The following DCLK2 variants were observed in gnomAD, a reference collection of about 807,000 sequenced individuals.
DCLK2 encodes doublecortin like kinase 2.
DCLK2 carries 31 observed loss-of-function variants against 78.4 expected under a neutral mutation model. The observed-to-expected ratio is 0.40, with a 90% CI of 0.30 to 0.53. The LOEUF (loss-of-function observed/expected upper bound fraction) is 0.53, where lower values mean the gene tolerates loss of function less well. Among genes scored for constraint, DCLK2 ranks in the 20% least tolerant of loss-of-function variants. The probability of loss-of-function intolerance (pLI) is 0.61; values close to 1 mark genes in which losing one functional copy is unlikely to be tolerated. For missense variants in DCLK2, 872 were observed against 973.7 expected (o/e 0.90, Z 1.39); for synonymous variants, 407 against 374.9 (o/e 1.09, Z -0.99).
chr4:150,239,763 AC>A lies in DCLK2; in HGVS notation c.1590del (p.Lys531SerfsTer3). On this transcript the variant is annotated frameshift_variant, in exon 11 of 16. Transcript: ENST00000296550. LOFTEE classifies it high-confidence loss of function. ...NLLVCEYPDG[T>X]KSLKLGDFGL... ...TCAGGTGTGTGAATATCCTGATGGA[AC>A]CAAGTCTTTGAAACTGGGAGACTTT... 1 of 1,614,166 alleles carries A rather than the reference AC, an allele frequency of 6.2e-7. No homozygotes were observed. The highest frequency in any genetic ancestry group is 8.5e-7 in the Non-Finnish European group (1 of 1,180,020).
At chr4:150,150,501 G>C (rs1040547986) in intron 2 of DCLK2, among the ~76,000 whole-genome samples, 1 of 151,854 alleles carries the variant, frequency 6.6e-6, no homozygotes, top group Non-Finnish European at 1.5e-5. Flanking sequence ...TATAAAATAA[G>C]GAGAAAAATA....
chr4:150,189,998 A>C (rs932386633), intron 2 of DCLK2, among the ~76,000 whole-genome samples: 1 of 140,326 alleles, frequency 7.1e-6, no homozygotes, highest in East Asian at 2.1e-4. Context: ...ACTCCTGGCA[A>C]CTCAAACTTA....
intron 2 of DCLK2, among the ~76,000 whole-genome samples, chr4:150,113,338 G>A (rs572929600): frequency 6.6e-6 from 1 of 152,134 alleles, no homozygotes; most frequent in Non-Finnish European, 1.5e-5. Flanking sequence ...CTCTTTGAAT[G>A]TTTGATAGAA....
intron 2 of DCLK2, among the ~76,000 whole-genome samples, chr4:150,169,777 G>T (rs1736377501): frequency 6.6e-6 from 1 of 152,110 alleles, no homozygotes; most frequent in Non-Finnish European, 1.5e-5. Flanking sequence ...GCTGGGCATT[G>T]GCTTTATTTG....
Position 150,079,146 on chromosome 4 carries a change from A to G in DCLK2, c.119A>G (p.Lys40Arg), listed in dbSNP as rs1163751636. Residue 40 changes from lysine to arginine, a missense_variant, in exon 1 of 16, where the codon AAG becomes AGG. This residue lies in a region of DCLK2 where 567 missense variants were observed against 593.4 expected (regional missense o/e 0.96). Coordinates refer to ENST00000296550, the MANE Select transcript of DCLK2 (RefSeq NM_001040260.4). Reference protein sequence around the residue: ...SSGGSSSSGPKGNGLIPSPAH... With the variant: ...SSGGSSSSGPRGNGLIPSPAH... ...GGGGGCAGCAGCAGCTCGGGCCCCA[A>G]GGGGAACGGGCTCATCCCCAGTCCG... 4 of 1,598,128 alleles carry G rather than the reference A, an allele frequency of 2.5e-6. No individual in the cohort carries two copies. Among genetic ancestry groups the G allele is most frequent in the African/African-American group, 1.3e-5 (1 of 74,650 alleles).
At position 150,203,833 on chromosome 4, in the gene DCLK2, T is replaced by C; in HGVS notation, c.1000T>C (p.Ser334Pro). The C allele has an allele frequency of 6.2e-7, 1 of 1,614,040 alleles. No homozygotes were observed. Among genetic ancestry groups the C allele is most frequent in the Middle Eastern group, 1.7e-4 (1 of 6,060 alleles). Residue 334 changes from serine (S) to proline (P), a missense_variant, in exon 5 of 16, where the codon TCT becomes CCT. By Grantham distance (74) the Ser-to-Pro change is moderately conservative (BLOSUM62 -1). Transcript: ENST00000296550. ...CAGCAGCCAACTTTCTACTCCTAAA[T>C]CTACGAAATCCTCCAGTTCCTCTCC... The part of the protein sequence containing the change: ...TPSSQLSTPK[S>P]TKSSSSSPTS...
chr4:150,083,720 T>A (rs1729456903), intron 1 of DCLK2, among the ~76,000 whole-genome samples: 1 of 152,198 alleles, frequency 6.6e-6, no homozygotes, highest in South Asian at 2.1e-4. Context: ...TGATGCACAC[T>A]AAAGTCATGC....
At chr4:150,129,317 T>C (rs1023977950) in intron 2 of DCLK2, among the ~76,000 whole-genome samples, 4 of 152,186 alleles carry the variant, frequency 2.6e-5, no homozygotes, top group African/African-American at 9.7e-5. Context: ...GACAGTCTTA[T>C]GACAGTCATG....
chr4:150,199,424 G>T (rs968285259), intron 4 of DCLK2, among the ~76,000 whole-genome samples: 14 of 152,190 alleles, frequency 9.2e-5, no homozygotes, highest in African/African-American at 3.1e-4. Context: ...AATAGCCATA[G>T]AAGCAATTTT....
chr4:150,175,915 GCTC>G (rs1057056712), intron 2 of DCLK2, among the ~76,000 whole-genome samples: 10 of 151,718 alleles, frequency 6.6e-5, no homozygotes, highest in African/African-American at 2.4e-4. Context: ...CCATAATAGA[GCTC>G]CTGCACTGAG....
intron 1 of DCLK2, among the ~76,000 whole-genome samples, chr4:150,099,756 A>G (rs1348120945): frequency 6.6e-6 from 1 of 152,156 alleles, no homozygotes; most frequent in Admixed American, 6.5e-5. Flanking sequence ...AAACAGGGCC[A>G]TGGGTGCAGA....
rs1476370220 is a variant in DCLK2, at chr4:150,078,884, C to T, written c.-144C>T. ...GGTCGGCTCCTCCGCGGCTCCTCGG[C>T]CCCACCTGCGCGGAGAGGGCGGGAT... On this transcript the variant is annotated 5_prime_UTR_variant, in exon 1 of 16. Coordinates refer to ENST00000296550, the MANE Select transcript of DCLK2 (RefSeq NM_001040260.4). 3 of 1,128,436 alleles carry T rather than the reference C, an allele frequency of 2.7e-6. No individual in the cohort carries two copies. The highest frequency in any genetic ancestry group is 3.6e-6 in the Non-Finnish European group (3 of 842,328). 69.9% of individuals were successfully genotyped at this position (1,128,436 alleles called of 1,614,324 possible). A position where few individuals can be genotyped will look rare whatever the true frequency, so the allele number is the denominator to read the frequency against.
At chr4:150,104,394 T>TAAAAAAAAAAAAAAAAAAAAA (rs34276664) in intron 2 of DCLK2, among the ~76,000 whole-genome samples, 13 of 29,754 alleles carry the variant, frequency 4.4e-4, no homozygotes, top group African/African-American at 5.0e-4. Context: ...CCACATCTCC[T>TAAAAAAAAAAAAAAAAAAAAA]AAAAAAAAAA....
chr4:150,235,426 A>C (rs1742421316), intron 10 of DCLK2, among the ~76,000 whole-genome samples: 1 of 152,200 alleles, frequency 6.6e-6, no homozygotes, highest in Admixed American at 6.5e-5. Context: ...TGAGTCTCAG[A>C]ATGCAATCAG....
rs143814905 is a variant in DCLK2, at chr4:150,155,824, C to T, written c.757-37314C>T. 1.6e-3 allele frequency among the ~76,000 whole-genome samples: 245 copies of T among 152,160 alleles called. 2 individuals are homozygous for T. Among genetic ancestry groups the T allele is most frequent in the African/African-American group, 5.5e-3 (228 of 41,498 alleles). ...GTGGATAGGGGTACATTGAGGAAAA[C>T]GGGAAGCCTACAGGAAGGTTGGAAA... On this transcript the variant is annotated intron_variant, in intron 2 of 15. Coordinates refer to ENST00000296550, the MANE Select transcript of DCLK2 (RefSeq NM_001040260.4).
At chr4:150,231,775 C>A (rs1414523033) in intron 8 of DCLK2, among the ~76,000 whole-genome samples, 1 of 152,094 alleles carries the variant, frequency 6.6e-6, no homozygotes, top group South Asian at 2.1e-4. Flanking sequence ...TAAAGAACAT[C>A]CATCTGGTGA....
intron 2 of DCLK2, among the ~76,000 whole-genome samples, chr4:150,115,446 T>A (rs545448600): frequency 6.6e-6 from 1 of 152,296 alleles, no homozygotes; most frequent in South Asian, 2.1e-4. Context: ...CCTGTTTTGT[T>A]GCCGGAATTA....
chr4:150,126,185 G>C (rs79861316), intron 2 of DCLK2, among the ~76,000 whole-genome samples: 3 of 142,128 alleles, frequency 2.1e-5, no homozygotes, highest in African/African-American at 7.7e-5. Context: ...TGTGAGCAGC[G>C]GGCTAAGATA....
Position 150,102,527 on chromosome 4 carries a change from C to T in DCLK2, c.471C>T (p.Tyr157=). 3.1e-6 allele frequency: 5 copies of T among 1,614,108 alleles called. No homozygotes were observed. The highest frequency in any genetic ancestry group is 4.2e-6 in the Non-Finnish European group (5 of 1,180,016). Residue 157 remains tyrosine, a synonymous_variant, in exon 2 of 16, where the codon TAC becomes TAT. Coordinates refer to ENST00000296550, the MANE Select transcript of DCLK2 (RefSeq NM_001040260.4). ...ASNEPFRKVD[Y]TKNINPNWSV... is the part of the protein sequence containing the mutation. The stretch of plus-strand genomic sequence containing the variant: ...ATGAACCATTTCGTAAAGTCGATTA[C>T]ACCAAAAATATTAATCCAAACTGGT...
Sources: allele counts gnomAD v4.1 joint callset (sites outside exome capture counted in the v4.1 genomes callset), GRCh38; gene constraint gnomAD v4.1.1; regional missense constraint gnomAD v4.1.1; transcripts MANE v1.5; gene names NCBI Gene and HGNC (gene_info 2026-07-23, HGNC 2026-07-21).